The following FNDC3B variants were observed in gnomAD, a reference collection of about 807,000 sequenced individuals.
FNDC3B encodes the protein fibronectin type III domain-containing protein 3B.
In FNDC3B, 12 loss-of-function variants were observed where a neutral mutation model predicts 151.5. The ratio of observed to expected loss-of-function variants is 0.08; its 90% confidence interval spans 0.05 to 0.13. FNDC3B has a LOEUF of 0.13. Among genes scored for constraint, FNDC3B ranks in the 10% least tolerant of loss-of-function variants. The probability of loss-of-function intolerance (pLI) is 1.00; values close to 1 mark genes in which losing one functional copy is unlikely to be tolerated. For missense variants in FNDC3B, 1,214 were observed against 1,505.3 expected, an observed-to-expected ratio of 0.81 and a Z score of 3.20; for synonymous variants, 528 against 549.0, an observed-to-expected ratio of 0.96 and a Z score of 0.54.
At chr3:172,087,168 A>G (rs542832070) in intron 1 of FNDC3B, among the ~76,000 whole-genome samples, 1 of 152,268 alleles carries the variant, frequency 6.6e-6, no homozygotes, top group South Asian at 2.1e-4. Flanking sequence ...ACCTTTTTTG[A>G]AAAGAATTGA....
rs572334214 is a variant in FNDC3B, at chr3:172,113,546, A to G, written c.111+956A>G. Among the ~76,000 whole-genome samples the G allele has an allele frequency of 1.5e-3, 222 of 152,338 alleles. 1 individual carries two copies. Among genetic ancestry groups the G allele is most frequent in the African/African-American group, 5.1e-3 (211 of 41,578 alleles). ...TATCAACCTCTTAAGAACAAAAAAT[A>G]TATAATAGGTGCTCAGTAAATGTTT... On this transcript the variant is annotated intron_variant, in intron 2 of 25. Transcript: ENST00000415807.
At chr3:172,206,145 T>C (rs1725410640) in intron 3 of FNDC3B, among the ~76,000 whole-genome samples, 1 of 152,192 alleles carries the variant, frequency 6.6e-6, no homozygotes, top group East Asian at 1.9e-4. Context: ...CTCAAGAGAC[T>C]ATAGGGATGA....
intron 1 of FNDC3B, among the ~76,000 whole-genome samples, chr3:172,098,348 T>C (rs1719192744): frequency 6.6e-6 from 1 of 152,222 alleles, no homozygotes; most frequent in Non-Finnish European, 1.5e-5. Flanking sequence ...TTGTCTTGAT[T>C]TCCTGCATGT....
intron 3 of FNDC3B, among the ~76,000 whole-genome samples, chr3:172,220,927 T>TA (rs34661514): frequency 1.3e-5 from 2 of 151,746 alleles, no homozygotes; most frequent in South Asian, 2.1e-4. Flanking sequence ...CTGGCTCTAT[T>TA]AAAAAAAAAT....
intron 2 of FNDC3B, among the ~76,000 whole-genome samples, chr3:172,119,057 CTACT>C (rs1456810280): frequency 6.6e-6 from 1 of 151,010 alleles, no homozygotes; most frequent in African/African-American, 2.4e-5. Context: ...GTAGTCCCAG[CTACT>C]TGGGAGGCTG....
At chr3:172,086,879 A>C (rs576645409) in intron 1 of FNDC3B, among the ~76,000 whole-genome samples, 2 of 152,358 alleles carry the variant, frequency 1.3e-5, no homozygotes, top group South Asian at 4.1e-4. Flanking sequence ...AGTTTTCTAC[A>C]GAAGATGTAT....
At chr3:172,315,865 G>A (rs537713120) in intron 11 of FNDC3B, among the ~76,000 whole-genome samples, 1 of 152,178 alleles carries the variant, frequency 6.6e-6, no homozygotes, top group Admixed American at 6.5e-5. Flanking sequence ...AGAGGGGGAA[G>A]GCGGACACCA....
In FNDC3B at chr3:172,298,741, G is replaced by A. The variant is rs1730760403; in HGVS notation, c.1015G>A (p.Glu339Lys). 1 of 1,607,528 alleles carries A rather than the reference G, an allele frequency of 6.2e-7. No individual in the cohort carries two copies. Among genetic ancestry groups the A allele is most frequent in the Non-Finnish European group, 8.5e-7 (1 of 1,177,252 alleles). The stretch of plus-strand genomic sequence containing the variant: ...TTTTCTTTACAGTGGAGAAGAATTA[G>A]AATGTAACCTGAAAGATCTTAGACC... ...YKIIYSGEEL[E>K]CNLKDLRPAT... Residue 339 changes from glutamate (E) to lysine (K), a missense_variant, in exon 9 of 26, where the codon GAA becomes AAA. Around this residue, in one of 7 missense-constraint regions of FNDC3B, gnomAD observed 156 missense variants for 225.3 expected, o/e 0.69. Coordinates refer to ENST00000415807, the MANE Select transcript of FNDC3B (RefSeq NM_022763.4).
chr3:172,244,200 T>C (rs1057488793), intron 4 of FNDC3B, among the ~76,000 whole-genome samples: 112 of 152,190 alleles, frequency 7.4e-4, no homozygotes, highest in African/African-American at 2.5e-3. Context: ...ATAGTTGAAT[T>C]GAATACAGGT....
chr3:172,314,596 C>A (rs750642749), intron 11 of FNDC3B, among the ~76,000 whole-genome samples: 1 of 152,154 alleles, frequency 6.6e-6, no homozygotes, highest in Non-Finnish European at 1.5e-5. Flanking sequence ...TTGTAATCAC[C>A]TTTGCAATAA....
chr3:172,329,062 C>T lies in FNDC3B; in HGVS notation c.1365C>T (p.Asn455=), dbSNP rs141346831. 1.7e-5 allele frequency: 28 copies of T among 1,613,176 alleles called. No individual in the cohort carries two copies. The highest frequency in any genetic ancestry group is 3.3e-5 in the Admixed American group (2 of 59,898). Reference sequence around the variant, plus strand: ...ACACATTCAGGCTGGCCGCTCGAAACGACATTGGTACCAGGTATGACGTTT... The same window carrying T: ...ACACATTCAGGCTGGCCGCTCGAAATGACATTGGTACCAGGTATGACGTTT... ...MGYTFRLAAR[N]DIGTSGYSQE... Residue 455 remains asparagine (N), a synonymous_variant, in exon 12 of 26, where the codon AAC becomes AAT. Transcript: ENST00000415807.
intron 10 of FNDC3B, among the ~76,000 whole-genome samples, chr3:172,307,714 G>C (rs1731267850): frequency 2.0e-5 from 3 of 152,142 alleles, no homozygotes; most frequent in African/African-American, 7.2e-5. Context: ...TCAGTCTATA[G>C]CCATTTGAAA....
intron 7 of FNDC3B, among the ~76,000 whole-genome samples, chr3:172,294,778 G>A (rs1326499500): frequency 2.6e-5 from 4 of 152,236 alleles, no homozygotes; most frequent in Non-Finnish European, 4.4e-5. Flanking sequence ...TTAAGTCCCA[G>A]AGTCTTCGGT....
intron 3 of FNDC3B, among the ~76,000 whole-genome samples, chr3:172,219,172 A>G (rs1005432978): frequency 3.9e-5 from 6 of 152,328 alleles, no homozygotes; most frequent in African/African-American, 1.2e-4. Flanking sequence ...CGTTTCCACA[A>G]GATAGTAATC....
At chr3:172,071,821 T>G (rs1003656863) in intron 1 of FNDC3B, among the ~76,000 whole-genome samples, 1 of 152,122 alleles carries the variant, frequency 6.6e-6, no homozygotes, top group Non-Finnish European at 1.5e-5. Context: ...AGCGAGCACT[T>G]CCGTATGAAG....
intron 1 of FNDC3B, among the ~76,000 whole-genome samples, chr3:172,055,820 G>A (rs1254939733): frequency 2.0e-5 from 3 of 151,398 alleles, no homozygotes; most frequent in South Asian, 2.1e-4. Flanking sequence ...TTGTTCTGTC[G>A]CCCAGGCTGG....
At chr3:172,396,105 A>C (rs1736264384) in intron 25 of FNDC3B, among the ~76,000 whole-genome samples, 1 of 152,240 alleles carries the variant, frequency 6.6e-6, no homozygotes, top group East Asian at 1.9e-4. Context: ...TCTTATTAAT[A>C]GCATTTTTAT....
intron 7 of FNDC3B, among the ~76,000 whole-genome samples, chr3:172,288,598 AG>A (rs1276893732): frequency 6.6e-6 from 1 of 152,234 alleles, no homozygotes; most frequent in Non-Finnish European, 1.5e-5. Context: ...GGTTTGGAAA[AG>A]GCACGTTGAG....
At chr3:172,371,345 C>A (rs940740516) in intron 23 of FNDC3B, among the ~76,000 whole-genome samples, 2 of 151,744 alleles carry the variant, frequency 1.3e-5, no homozygotes, top group Non-Finnish European at 2.9e-5. Context: ...CTTTTTTTCC[C>A]CCATTATTTT....
Sources: allele counts gnomAD v4.1 joint callset (sites outside exome capture counted in the v4.1 genomes callset), GRCh38; gene constraint gnomAD v4.1.1; regional missense constraint gnomAD v4.1.1; transcripts MANE v1.5; gene names NCBI Gene and HGNC (gene_info 2026-07-23, HGNC 2026-07-21).